TTLL7: variants seen among roughly 807,000 people sequenced by gnomAD.
TTLL7 encodes the protein tubulin tyrosine ligase like 7, also known as tubulin polyglutamylase TTLL7.
In TTLL7, 53 loss-of-function variants were observed where a neutral mutation model predicts 120.2. That is an observed-to-expected ratio of 0.44 (90% confidence interval 0.35 to 0.55). The LOEUF is 0.55. TTLL7 is among the 20% of genes least tolerant of loss of function. The pLI, the probability that TTLL7 is intolerant of heterozygous loss-of-function variation, is 0.00. For synonymous variants in TTLL7, 353 were observed against 351.7 expected (o/e 1.00, Z -0.04); for missense variants, 803 against 1,054.7 (o/e 0.76, Z 3.31).
chr1:83,910,580 G>C (rs1014276811), intron 15 of TTLL7, among the ~76,000 whole-genome samples: 1 of 151,992 alleles, frequency 6.6e-6, no homozygotes, highest in African/African-American at 2.4e-5. Context: ...GGAGAGAAAA[G>C]GAAGCAGAAA....
At chr1:83,988,398 T>C (rs552801102) in intron 1 of TTLL7, among the ~76,000 whole-genome samples, 1 of 152,348 alleles carries the variant, frequency 6.6e-6, no homozygotes, top group South Asian at 2.1e-4. Flanking sequence ...TGGATATATA[T>C]CCAGTAATGG....
At chr1:83,967,660 G>A (rs907941440) in intron 1 of TTLL7, among the ~76,000 whole-genome samples, 13 of 151,994 alleles carry the variant, frequency 8.6e-5, no homozygotes, top group Non-Finnish European at 1.9e-4. Context: ...GTGGAACTAA[G>A]ACCCCTTTTC....
At chr1:83,994,661 G>A (rs138087101) in intron 1 of TTLL7, among the ~76,000 whole-genome samples, 1 of 152,314 alleles carries the variant, frequency 6.6e-6, no homozygotes, top group Non-Finnish European at 1.5e-5. Flanking sequence ...TCTGGCAAAT[G>A]TACAGGGGAG....
chr1:83,943,698 T>C (rs949895164), intron 6 of TTLL7, among the ~76,000 whole-genome samples: 4 of 152,176 alleles, frequency 2.6e-5, no homozygotes, highest in Non-Finnish European at 5.9e-5. Context: ...AGAATTGCTA[T>C]AGTATAATAC....
In TTLL7 at chr1:83,937,915, T is replaced by C; in HGVS notation, c.825A>G (p.Lys275=). 3.1e-6 allele frequency: 5 copies of C among 1,614,074 alleles called. No homozygotes were observed. Among genetic ancestry groups the C allele is most frequent in the Non-Finnish European group, 4.2e-6 (5 of 1,179,976 alleles). Residue 275 remains lysine (K), a synonymous_variant, in exon 8 of 21, where the codon AAA becomes AAG. Coordinates refer to ENST00000260505, the MANE Select transcript of TTLL7 (RefSeq NM_024686.6). ...TENKGSKRSI[K]WFTEFLQANQ... ...TTGCTTGAAGGAATTCTGTAAACCA[T>C]TTGATGGAACGTTTGCTGCCTTTGT... is the stretch of plus-strand genomic sequence containing the variant.
intron 1 of TTLL7, among the ~76,000 whole-genome samples, chr1:83,976,117 C>T (rs1221024837): frequency 1.3e-5 from 2 of 150,690 alleles, no homozygotes; most frequent in African/African-American, 4.9e-5. Context: ...GTATTTCTTA[C>T]CATGGATTGC....
chr1:83,907,556 C>T lies in TTLL7; in HGVS notation c.1892G>A (p.Arg631Gln), dbSNP rs868639888. The change falls in exon 16 of 21, where the codon CGG becomes CAG. Residue 631 changes from arginine (R) to glutamine (Q), a missense_variant. Arg to Gln is a conservative substitution (Grantham distance 43). Coordinates refer to ENST00000260505, the MANE Select transcript of TTLL7 (RefSeq NM_024686.6). ...ATGTGACCGAGATGCAGAAGTTGGCCGTGACACAGATATCATTTGTTGAGC... is the reference window on the plus strand; with the variant it reads ...ATGTGACCGAGATGCAGAAGTTGGCTGTGACACAGATATCATTTGTTGAGC... ...FSAQQMISVS[R>Q]PTSASRSHSL... 2.5e-6 allele frequency: 4 copies of T among 1,613,284 alleles called. No individual in the cohort carries two copies. The highest frequency in any genetic ancestry group is 3.4e-6 in the Non-Finnish European group (4 of 1,179,516).
At chr1:83,884,135 A>C (rs1317134598) in intron 19 of TTLL7, among the ~76,000 whole-genome samples, 1 of 151,340 alleles carries the variant, frequency 6.6e-6, no homozygotes, top group African/African-American at 2.4e-5. Context: ...GTAGGGAGGG[A>C]GGGAGAGAGA....
Position 83,921,122 on chromosome 1 carries a change from T to G in TTLL7, c.1329A>C (p.Arg443=). The change falls in exon 12 of 21, where the codon CGA becomes CGC. Residue 443 remains arginine (R), a synonymous_variant. Transcript: ENST00000260505. ...RLAQVRKQIS[R]EEHENRHMGN... ...CCATATGTCGATTTTCATGTTCTTC[T>G]CGTGAGATCTGCTTTCGTACTTGAG... The G allele has an allele frequency of 6.2e-7, 1 of 1,613,282 alleles. No homozygotes were observed. The highest frequency in any genetic ancestry group is 8.5e-7 in the Non-Finnish European group (1 of 1,179,620).
intron 6 of TTLL7, among the ~76,000 whole-genome samples, chr1:83,946,627 A>T (rs181548807): frequency 6.6e-6 from 1 of 152,332 alleles, no homozygotes; most frequent in Admixed American, 6.5e-5. Context: ...TTCAGTTTAA[A>T]ATGTGTTCTA....
chr1:83,932,676 T>A (rs79930336), intron 9 of TTLL7, among the ~76,000 whole-genome samples: 21,424 of 152,192 alleles, frequency 0.14, 1,992 homozygotes, highest in Non-Finnish European at 0.21. Context: ...AATTTGCTTA[T>A]GCAAACCTTG....
chr1:83,951,734 T>A (rs1233763469), intron 3 of TTLL7, 111 bp downstream of exon 3: 14 of 1,226,270 alleles, frequency 1.1e-5, no homozygotes, highest in Admixed American at 2.6e-5. Context: ...CATTTAAAAA[T>A]CCATTATATA....
At position 83,906,081 on chromosome 1, in the gene TTLL7, T is replaced by C. The variant is rs549607231; in HGVS notation, c.2127+248A>G. 8.5e-5 allele frequency among the ~76,000 whole-genome samples: 13 copies of C among 152,206 alleles called. No individual in the cohort carries two copies. The East Asian group carries it at 2.3e-3, about 27-fold the overall frequency. ...TTATTCTGACTTGATGAAGCAGACT[T>C]ATCATTAAAATAGCACTATATACTA... On this transcript the variant is annotated intron_variant, in intron 17 of 20. Coordinates refer to ENST00000260505, the MANE Select transcript of TTLL7 (RefSeq NM_024686.6).
chr1:83,970,326 G>C (rs1650858818), intron 1 of TTLL7, among the ~76,000 whole-genome samples: 1 of 152,036 alleles, frequency 6.6e-6, no homozygotes, highest in African/African-American at 2.4e-5. Flanking sequence ...ATCATTATGT[G>C]AAAATAGCTA....
intron 20 of TTLL7, among the ~76,000 whole-genome samples, chr1:83,872,514 A>G (rs1653526565): frequency 6.6e-6 from 1 of 152,246 alleles, no homozygotes; most frequent in Non-Finnish European, 1.5e-5. Flanking sequence ...ACTATTCCAT[A>G]GTAGTTGAGA....
chr1:83,869,596 G>A lies in TTLL7; in HGVS notation c.*366C>T, dbSNP rs1053359444. ...TAGAAAATAATTTAACACTGTAATT[G>A]GATCTTCAAGATCAATTTGTTTTAT... On this transcript the variant is annotated 3_prime_UTR_variant, in exon 21 of 21. Transcript: ENST00000260505. 6.4e-6 allele frequency: 1 copy of A among 155,550 alleles called. No individual in the cohort carries two copies. Among genetic ancestry groups the A allele is most frequent in the African/African-American group, 2.4e-5 (1 of 41,430 alleles). 9.6% of individuals were successfully genotyped at this position (155,550 alleles called of 1,614,324 possible).
At chr1:83,988,710 G>A (rs1652711029) in intron 1 of TTLL7, among the ~76,000 whole-genome samples, 1 of 151,576 alleles carries the variant, frequency 6.6e-6, no homozygotes, top group Non-Finnish European at 1.5e-5. Context: ...TCGTGTCTTT[G>A]GCCACCTTTT....
rs1254864714 is a variant in TTLL7, at chr1:83,933,637, C to A, written c.1018G>T (p.Asp340Tyr). ...AGAAGCCATGGCTTTAGTTTTCTATCCAACAAAATATCAAATCCCAGGACT... is the reference window on the plus strand; with the variant it reads ...AGAAGCCATGGCTTTAGTTTTCTATACAACAAAATATCAAATCCCAGGACT... ...FEVLGFDILL[D>Y]RKLKPWLLEI... The change falls in exon 9 of 21, where the codon GAT becomes TAT. Residue 340 changes from aspartate to tyrosine, a missense_variant. Transcript: ENST00000260505. 1 of 1,613,476 alleles carries A rather than the reference C, an allele frequency of 6.2e-7. No homozygotes were observed. The highest frequency in any genetic ancestry group is 8.5e-7 in the Non-Finnish European group (1 of 1,179,668).
intron 1 of TTLL7, among the ~76,000 whole-genome samples, chr1:83,953,702 C>G (rs1348770546): frequency 6.6e-6 from 1 of 152,020 alleles, no homozygotes; most frequent in African/African-American, 2.4e-5. Context: ...GAAACTAAGG[C>G]TAGATAAGTT....
Sources: gnomAD v4.1 joint callset for allele counts (sites outside exome capture counted in the v4.1 genomes callset) on GRCh38, gnomAD v4.1.1 for gene constraint, MANE v1.5 for transcripts, NCBI Gene and HGNC (gene_info 2026-07-23, HGNC 2026-07-21) for gene names.